The following WDR70 variants were observed in gnomAD, a reference collection of about 807,000 sequenced individuals.
WDR70 encodes WD repeat domain 70, also known as WD repeat-containing protein 70.
In WDR70, 53 loss-of-function variants were observed where a neutral mutation model predicts 88.6. The ratio of observed to expected loss-of-function variants is 0.60; its 90% CI spans 0.48 to 0.75. WDR70 has a LOEUF of 0.75. Among genes scored for constraint, WDR70 ranks in the 30% least tolerant of loss-of-function variants. WDR70 has a pLI of 0.00. For synonymous variants in WDR70, 280 were observed against 270.0 expected, an observed-to-expected ratio of 1.04 and a Z score of -0.36; for missense variants, 610 against 823.2, an observed-to-expected ratio of 0.74 and a Z score of 3.17.
At chr5:37,542,657 T>C (rs1161220220) in intron 9 of WDR70, among the ~76,000 whole-genome samples, 2 of 152,086 alleles carry the variant, frequency 1.3e-5, no homozygotes, top group Non-Finnish European at 2.9e-5. Flanking sequence ...AGGAACTGCT[T>C]AAGGAATCAT....
chr5:37,714,615 A>G (rs769281257), intron 13 of WDR70, among the ~76,000 whole-genome samples: 2 of 152,170 alleles, frequency 1.3e-5, no homozygotes, highest in African/African-American at 2.4e-5. Context: ...TGTGCCCACC[A>G]GTGGGAAGCT....
chr5:37,487,335 AAGT>A (rs1419178401), intron 8 of WDR70, among the ~76,000 whole-genome samples: 1 of 151,944 alleles, frequency 6.6e-6, no homozygotes, highest in Admixed American at 6.6e-5. Flanking sequence ...TATTACTTGA[AAGT>A]AGTAGATTTC....
intron 9 of WDR70, among the ~76,000 whole-genome samples, chr5:37,589,280 ACACACAC>A (rs1437687931): frequency 1.3e-4 from 20 of 149,506 alleles, no homozygotes; most frequent in Non-Finnish European, 7.4e-5. Context: ...ACACACACAC[ACACACAC>A]GATATATTTA....
rs1310004189 is a variant in WDR70, at chr5:37,521,733, CA to C, written c.917+5144del. On this transcript the variant is annotated intron_variant, in intron 9 of 17. Coordinates refer to ENST00000265107, the MANE Select transcript of WDR70 (RefSeq NM_018034.4). The stretch of plus-strand genomic sequence containing the variant: ...ACACACACACACACACACACACACA[CA>C]CACACACCCACATGTTCTTTATCAA... 3.8e-3 allele frequency among the ~76,000 whole-genome samples: 577 copies of C among 152,024 alleles called. 8 individuals carry two copies. The East Asian group carries it at 0.055, about 14-fold the overall frequency.
chr5:37,518,766 T>G (rs1305071318), intron 9 of WDR70, among the ~76,000 whole-genome samples: 1 of 150,862 alleles, frequency 6.6e-6, no homozygotes, highest in Non-Finnish European at 1.5e-5. Context: ...AGGATAATAG[T>G]GGAGAGAAGG....
chr5:37,691,664 A>T (rs910396137), intron 10 of WDR70, among the ~76,000 whole-genome samples: 9 of 152,218 alleles, frequency 5.9e-5, no homozygotes, highest in African/African-American at 1.9e-4. Flanking sequence ...TGAACCAATG[A>T]GAACAAAGAC....
chr5:37,379,415 G>A, intron 1 of WDR70, 23 bp downstream of exon 1: 7 of 1,613,620 alleles, frequency 4.3e-6, no homozygotes, highest in African/African-American at 1.3e-5. Context: ...AGGCGAGTCC[G>A]GGCGGGGTGG....
intron 10 of WDR70, among the ~76,000 whole-genome samples, chr5:37,631,013 T>G (rs1027397352): frequency 6.6e-6 from 1 of 152,154 alleles, no homozygotes; most frequent in Non-Finnish European, 1.5e-5. Flanking sequence ...GGTGGTGATA[T>G]TCTGCTTACC....
intron 9 of WDR70, among the ~76,000 whole-genome samples, chr5:37,602,911 A>G (rs1379402649): frequency 1.3e-5 from 2 of 152,130 alleles, no homozygotes; most frequent in African/African-American, 2.4e-5. Flanking sequence ...CAGCAGGTGG[A>G]GGTTGCAGTG....
chr5:37,503,640 G>A (rs567388948), intron 8 of WDR70, among the ~76,000 whole-genome samples: 183 of 151,694 alleles, frequency 1.2e-3, no homozygotes, highest in Non-Finnish European at 2.0e-3. Flanking sequence ...TGGTGTAGAT[G>A]TACCACATTC....
chr5:37,671,850 C>T (rs1425852243), intron 10 of WDR70, among the ~76,000 whole-genome samples: 1 of 152,154 alleles, frequency 6.6e-6, no homozygotes, highest in East Asian at 1.9e-4. Flanking sequence ...TGGTGGCTCA[C>T]ACCTGTAATC....
intron 10 of WDR70, among the ~76,000 whole-genome samples, chr5:37,626,470 A>G (rs1445295979): frequency 1.3e-5 from 2 of 152,160 alleles, no homozygotes; most frequent in Non-Finnish European, 2.9e-5. Flanking sequence ...CCACTTGATT[A>G]TGATGTATCC....
chr5:37,423,564 CTTTTTTTTTT>C (rs374709152), intron 5 of WDR70, among the ~76,000 whole-genome samples: 1 of 118,424 alleles, frequency 8.4e-6, no homozygotes, highest in African/African-American at 3.1e-5. Context: ...TTTTTTTTGT[CTTTTTTTTTT>C]TTTTTTTTAG....
intron 8 of WDR70, chr5:37,506,655 T>C (rs1561879590): frequency 1.3e-6 from 1 of 780,950 alleles, no homozygotes; most frequent in Non-Finnish European, 2.4e-6. Context: ...AATAAATGGC[T>C]CTCCCTCACA....
chr5:37,663,915 T>A (rs1250411249), intron 10 of WDR70, among the ~76,000 whole-genome samples: 1 of 152,224 alleles, frequency 6.6e-6, no homozygotes, highest in Non-Finnish European at 1.5e-5. Flanking sequence ...CTAGAAAATA[T>A]GCTCAAGTTT....
rs1409306120 is a variant in WDR70 at position 37,492,850 on chromosome 5, T to C, written c.840+12863T>C. ...CAAGATGACAAAGGATGCTAACATA[T>C]AGCAATAACTTCTGAAAGCATGGTA... On this transcript the variant is annotated intron_variant, in intron 8 of 17. Transcript: ENST00000265107. 2.0e-5 allele frequency among the ~76,000 whole-genome samples: 3 copies of C among 152,174 alleles called. No individual in the cohort carries two copies. The East Asian group carries it at 5.8e-4, about 29-fold the overall frequency.
chr5:37,392,177 G>GTTTTTTTTTT, intron 4 of WDR70, 57 bp downstream of exon 4: 1 of 1,310,520 alleles, frequency 7.6e-7, no homozygotes, highest in Non-Finnish European at 1.0e-6. Flanking sequence ...TGTTTATAGA[G>GTTTTTTTTTT]TTTTTTTTTT....
intron 17 of WDR70, among the ~76,000 whole-genome samples, chr5:37,737,936 T>A (rs899952751): frequency 5.3e-5 from 8 of 152,088 alleles, no homozygotes; most frequent in African/African-American, 1.9e-4. Flanking sequence ...GCCTGAGATG[T>A]GTTTATTTTC....
intron 9 of WDR70, among the ~76,000 whole-genome samples, chr5:37,519,578 C>T (rs62359009): frequency 0.56 from 76,638 of 136,116 alleles, 22,066 homozygotes; most frequent in South Asian, 0.66. Flanking sequence ...CGATGGGCGG[C>T]GGGGCAGAGG....
Sources: gnomAD v4.1 joint callset for allele counts (sites outside exome capture counted in the v4.1 genomes callset) on GRCh38, gnomAD v4.1.1 for gene constraint, MANE v1.5 for transcripts, NCBI Gene and HGNC (gene_info 2026-07-23, HGNC 2026-07-21) for gene names.